TRIM29: variants seen among roughly 807,000 people sequenced by gnomAD.
The protein encoded by TRIM29 is tripartite motif containing 29.
Under a neutral mutation model 57.3 loss-of-function variants are expected in TRIM29, and 52 were observed. That is an observed-to-expected ratio of 0.91 (90% CI 0.73 to 1.14). The LOEUF (loss-of-function observed/expected upper bound fraction) is 1.14, where lower values mean the gene tolerates loss of function less well. TRIM29 is among the 50% of genes most tolerant of loss of function. The pLI, the probability that TRIM29 is intolerant of heterozygous loss-of-function variation, is 0.00. For missense variants in TRIM29, 753 were observed against 774.6 expected, an observed-to-expected ratio of 0.97 and a Z score of 0.33; for synonymous variants, 319 against 316.9, an observed-to-expected ratio of 1.01 and a Z score of -0.07.
At chr11:120,126,789 A>C (rs956203437) in intron 3 of TRIM29, among the ~76,000 whole-genome samples, 1 of 152,098 alleles carries the variant, frequency 6.6e-6, no homozygotes, top group African/African-American at 2.4e-5. Context: ...ACACTTTTCT[A>C]TATTGTTCTT....
rs1863334966 is a variant in TRIM29, at chr11:120,118,300, CAGACCCGGGAGGTGT to C, written c.1535_1549del (p.Tyr512_Val516del). 6.2e-7 allele frequency: 1 copy of C among 1,613,442 alleles called. No individual in the cohort carries two copies. Among genetic ancestry groups the C allele is most frequent in the Non-Finnish European group, 8.5e-7 (1 of 1,179,778 alleles). On this transcript the variant is annotated inframe_deletion, in exon 7 of 9. Coordinates refer to ENST00000341846, the MANE Select transcript of TRIM29 (RefSeq NM_012101.4). ...GTTCTGAATGCTGGAGGAGTACTCCCAGACCCGGGAGGTGTAGTTACCTGGCAGGACAAAGAAGGG... is the reference window on the plus strand; with the variant it reads ...GTTCTGAATGCTGGAGGAGTACTCCCAGTTACCTGGCAGGACAAAGAAGGG...
In TRIM29 at chr11:120,132,724, C is replaced by T. The variant is rs1863744190; in HGVS notation, c.805-4229G>A. Among the ~76,000 whole-genome samples, 2 of 152,200 alleles carry T rather than the reference C, an allele frequency of 1.3e-5. 1 individual carries two copies. The highest frequency in any genetic ancestry group is 1.3e-4 in the Admixed American group (2 of 15,284). Reference sequence around the variant, plus strand: ...ATGGGCCATCGGCTGTGACATTTGCCAAATGAGCCAGTTAATTGCCAAATT... The same window carrying T: ...ATGGGCCATCGGCTGTGACATTTGCTAAATGAGCCAGTTAATTGCCAAATT... On this transcript the variant is annotated intron_variant, in intron 1 of 8. Coordinates refer to ENST00000341846, the MANE Select transcript of TRIM29 (RefSeq NM_012101.4).
At chr11:120,113,895 G>A in intron 8 of TRIM29, among the ~76,000 whole-genome samples, 1 of 152,300 alleles carries the variant, frequency 6.6e-6, no homozygotes, top group South Asian at 2.1e-4. Flanking sequence ...GGAGTGGTAG[G>A]TGGGCATCAG....
intron 1 of TRIM29, among the ~76,000 whole-genome samples, chr11:120,134,522 T>TC (rs1863780792): frequency 6.6e-6 from 1 of 152,110 alleles, no homozygotes; most frequent in Admixed American, 6.5e-5. Flanking sequence ...TGTGCCAATG[T>TC]CCCCCACCTG....
At chr11:120,133,667 A>T (rs926823261) in intron 1 of TRIM29, among the ~76,000 whole-genome samples, 1 of 152,194 alleles carries the variant, frequency 6.6e-6, no homozygotes, top group African/African-American at 2.4e-5. Flanking sequence ...CCGAATCCCA[A>T]AGAGCTTTCC....
intron 6 of TRIM29, 61 bp from the exon 7 acceptor site, chr11:120,118,382 C>T: frequency 7.4e-7 from 1 of 1,346,250 alleles, no homozygotes; most frequent in Non-Finnish European, 1.0e-6. Context: ...GGAGGCAGGA[C>T]CAGGACACAG....
chr11:120,118,080 G>T, intron 7 of TRIM29, 143 bp downstream of exon 7: 6 of 747,096 alleles, frequency 8.0e-6, no homozygotes, highest in South Asian at 1.6e-5. Context: ...AGACCATGGC[G>T]GTAGCTCCCG....
At position 120,129,556 on chromosome 11, in the gene TRIM29, G is replaced by T. The variant is rs549394097; in HGVS notation, c.805-1061C>A. 5.5e-3 allele frequency among the ~76,000 whole-genome samples: 843 copies of T among 152,258 alleles called. 3 individuals are homozygous for T. The highest frequency in any genetic ancestry group is 8.7e-3 in the Non-Finnish European group (592 of 68,008). Reference sequence around the variant, plus strand: ...CCAAAAGAATAGTCAAGGTGAGGATGCCACAAACCTCTAGGAATGGGAGTC... The same window carrying T: ...CCAAAAGAATAGTCAAGGTGAGGATTCCACAAACCTCTAGGAATGGGAGTC... On this transcript the variant is annotated intron_variant, in intron 1 of 8. Transcript: ENST00000341846.
At chr11:120,126,843 G>A (rs781352956) in intron 3 of TRIM29, among the ~76,000 whole-genome samples, 1 of 152,210 alleles carries the variant, frequency 6.6e-6, no homozygotes, top group Admixed American at 6.5e-5. Context: ...GCAGTTGCTT[G>A]GAGGCAGAAA....
chr11:120,137,408 G>A lies in TRIM29; in HGVS notation c.624C>T (p.Phe208=). ...TGGGCTCGAGCAGCTGGTGGTCTCG[G>A]AAGGCGGCGCCCTCCAGGTGGGGCT... ...HLKPHLEGAA[F]RDHQLLEPIR... is the part of the protein sequence containing the mutation. The change falls in exon 1 of 9, where the codon TTC becomes TTT. Residue 208 remains phenylalanine, a synonymous_variant. Coordinates refer to ENST00000341846, the MANE Select transcript of TRIM29 (RefSeq NM_012101.4). The surrounding 1 kb of genome is among the most constrained non-coding windows in gnomAD (Gnocchi z 6.2). 2 of 1,611,218 alleles carry A rather than the reference G, an allele frequency of 1.2e-6. No homozygotes were observed. The highest frequency in any genetic ancestry group is 1.7e-6 in the Non-Finnish European group (2 of 1,180,008).
intron 1 of TRIM29, among the ~76,000 whole-genome samples, chr11:120,133,962 C>G (rs888127381): frequency 1.3e-5 from 2 of 152,150 alleles, no homozygotes; most frequent in Non-Finnish European, 2.9e-5. Flanking sequence ...CCCCCAAGAG[C>G]AGCCAGCCGT....
intron 1 of TRIM29, among the ~76,000 whole-genome samples, chr11:120,134,098 T>A (rs1405036880): frequency 1.3e-5 from 2 of 152,230 alleles, no homozygotes; most frequent in East Asian, 3.9e-4. Flanking sequence ...GCCTGGGAAG[T>A]GTTCAGTGGC....
chr11:120,134,776 G>T (rs1231690511), intron 1 of TRIM29, among the ~76,000 whole-genome samples: 2 of 152,210 alleles, frequency 1.3e-5, no homozygotes, highest in African/African-American at 4.8e-5. Flanking sequence ...TCAAACACTG[G>T]AAGAGGGCTT....
At position 120,120,480 on chromosome 11, in the gene TRIM29, C is replaced by T. The variant is rs553595763; in HGVS notation, c.1528+93G>A. 17 of 1,186,474 alleles carry T rather than the reference C, an allele frequency of 1.4e-5. No homozygotes were observed. The Admixed American group carries it at 2.2e-4, about 15-fold the overall frequency. 73.5% of individuals were successfully genotyped at this position (1,186,474 alleles called of 1,614,324 possible). On this transcript the variant is annotated intron_variant, in intron 6 of 8. Transcript: ENST00000341846. ...CCCACATTCATCTCACACTGGGGTC[C>T]CAGCCCTGTGCCCCTGGACCCACCT...
intron 5 of TRIM29, 49 bp downstream of exon 5, chr11:120,122,905 C>A: frequency 6.4e-7 from 1 of 1,562,450 alleles, no homozygotes; most frequent in South Asian, 1.1e-5. Flanking sequence ...TTGGGGGCCC[C>A]TGGGCAGCAG....
chr11:120,127,885 A>G (rs1193392418), intron 2 of TRIM29, among the ~76,000 whole-genome samples: 1 of 152,032 alleles, frequency 6.6e-6, no homozygotes, highest in Non-Finnish European at 1.5e-5. Flanking sequence ...GCTCCCTGAA[A>G]CCCTAACCAG....
Position 120,124,141 on chromosome 11 carries a change from C to A in TRIM29, c.1334-1086G>T, listed in dbSNP as rs139705710. 1.8e-3 allele frequency: 281 copies of A among 154,484 alleles called. 2 individuals carry two copies. In the Middle Eastern group the frequency reaches 0.027, roughly 15 times the overall value. The allele number at this position is 154,484 out of a possible 1,614,324, so 9.6% of individuals were successfully genotyped here. ...ACTGAATCAGCAGTGCCCATCCCTGCTCCTGCTTGCCACCTCGCCACACAC... is the reference window on the plus strand; with the variant it reads ...ACTGAATCAGCAGTGCCCATCCCTGATCCTGCTTGCCACCTCGCCACACAC... On this transcript the variant is annotated intron_variant, in intron 4 of 8. Transcript: ENST00000341846.
chr11:120,112,577 A>G, intron 8 of TRIM29, 101 bp from the exon 9 acceptor site: 1 of 1,268,024 alleles, frequency 7.9e-7, no homozygotes, highest in Non-Finnish European at 1.1e-6. Context: ...GCAGTGATCC[A>G]AGACCCGACA....
chr11:120,138,052 T>C lies in TRIM29; in HGVS notation c.-21A>G. 1 of 1,569,462 alleles carries C rather than the reference T, an allele frequency of 6.4e-7. No individual in the cohort carries two copies. Among genetic ancestry groups the C allele is most frequent in the Non-Finnish European group, 8.6e-7 (1 of 1,164,292 alleles). ...TCCATCGCAGGGTGCTTGGCTGAGCTGTTTCAGGCTTGCTGGGGTTCAGGA... is the reference window on the plus strand; with the variant it reads ...TCCATCGCAGGGTGCTTGGCTGAGCCGTTTCAGGCTTGCTGGGGTTCAGGA... On this transcript the variant is annotated 5_prime_UTR_variant, in exon 1 of 9. Coordinates refer to ENST00000341846, the MANE Select transcript of TRIM29 (RefSeq NM_012101.4).
Sources: allele counts gnomAD v4.1 joint callset (sites outside exome capture counted in the v4.1 genomes callset), GRCh38; gene constraint gnomAD v4.1.1; non-coding constraint Gnocchi (gnomAD v3.1); transcripts MANE v1.5; gene names NCBI Gene and HGNC (gene_info 2026-07-23, HGNC 2026-07-21).